GALNTL6: variants seen among roughly 807,000 people sequenced by gnomAD.
GALNTL6 encodes the protein polypeptide N-acetylgalactosaminyltransferase-like 6.
Under a neutral mutation model 73.7 loss-of-function variants are expected in GALNTL6, and 46 were observed. The ratio of observed to expected loss-of-function variants is 0.62; its 90% CI spans 0.49 to 0.80. The LOEUF (loss-of-function observed/expected upper bound fraction) is 0.80. GALNTL6 is among the 30% of genes least tolerant of loss of function. GALNTL6 has a pLI of 0.00. For synonymous variants in GALNTL6, 259 were observed against 263.7 expected, an observed-to-expected ratio of 0.98 and a Z score of 0.17; for missense variants, 604 against 755.0, an observed-to-expected ratio of 0.80 and a Z score of 2.34.
At chr4:172,429,456 C>T (rs1246930851) in intron 5 of GALNTL6, among the ~76,000 whole-genome samples, 1 of 152,042 alleles carries the variant, frequency 6.6e-6, no homozygotes, top group Non-Finnish European at 1.5e-5. Context: ...ATGATCTGCC[C>T]ACCTCGGCCT....
intron 5 of GALNTL6, among the ~76,000 whole-genome samples, chr4:172,774,022 G>A (rs770202198): frequency 6.6e-6 from 1 of 152,138 alleles, no homozygotes; most frequent in Non-Finnish European, 1.5e-5. Flanking sequence ...TCCTTTGTAT[G>A]TAAAAATATT....
At chr4:172,883,225 ATTC>A (rs536954740) in intron 8 of GALNTL6, among the ~76,000 whole-genome samples, 9 of 152,156 alleles carry the variant, frequency 5.9e-5, no homozygotes, top group Non-Finnish European at 1.2e-4. Flanking sequence ...AAACATTGCA[ATTC>A]TTCTCCTCTA....
At chr4:172,362,023 G>C (rs183545111) in intron 5 of GALNTL6, among the ~76,000 whole-genome samples, 25 of 152,216 alleles carry the variant, frequency 1.6e-4, no homozygotes, top group African/African-American at 5.8e-4. Flanking sequence ...AACTAGATGA[G>C]AGTTAGTAAT....
At chr4:172,774,777 C>T (rs1269303809) in intron 5 of GALNTL6, among the ~76,000 whole-genome samples, 6 of 152,006 alleles carry the variant, frequency 3.9e-5, no homozygotes, top group South Asian at 2.1e-4. Flanking sequence ...CTGGGCAACA[C>T]GGTGAAACCC....
rs70941399 is a variant in GALNTL6, at chr4:172,308,003, C to CTTTTTTTTTTTTTTTTTTTT, written c.248-3600_248-3581dup. 2.6e-4 allele frequency among the ~76,000 whole-genome samples: 9 copies of CTTTTTTTTTTTTTTTTTTTT among 34,586 alleles called. 1 individual carries two copies. Among genetic ancestry groups the CTTTTTTTTTTTTTTTTTTTT allele is most frequent in the Admixed American group, 6.2e-4 (1 of 1,618 alleles). 22.7% of individuals were successfully genotyped at this position (34,586 alleles called of 152,430 possible). ...TCCATGAGCATGGGATGTGTTTTAA[C>CTTTTTTTTTTTTTTTTTTTT]TTTTTTTTTTTTTTTTTTTTTTTTT... On this transcript the variant is annotated intron_variant, in intron 3 of 12. Transcript: ENST00000506823.
At chr4:173,013,565 A>T (rs888323944) in intron 11 of GALNTL6, among the ~76,000 whole-genome samples, 1 of 149,402 alleles carries the variant, frequency 6.7e-6, no homozygotes, top group Non-Finnish European at 1.5e-5. Context: ...ACGTCCCCCA[A>T]CTCCCCACCT....
chr4:172,751,683 A>T (rs1737431802), intron 5 of GALNTL6, among the ~76,000 whole-genome samples: 2 of 152,218 alleles, frequency 1.3e-5, no homozygotes, highest in South Asian at 4.1e-4. Flanking sequence ...TGCCCAATTG[A>T]CAGCCTCTGG....
intron 5 of GALNTL6, among the ~76,000 whole-genome samples, chr4:172,393,531 A>G (rs1342807670): frequency 6.6e-6 from 1 of 152,236 alleles, no homozygotes; most frequent in Non-Finnish European, 1.5e-5. Flanking sequence ...ATGACACATT[A>G]AATGATGAAG....
intron 5 of GALNTL6, among the ~76,000 whole-genome samples, chr4:172,476,725 C>T (rs1188195747): frequency 6.6e-6 from 1 of 152,012 alleles, no homozygotes; most frequent in East Asian, 1.9e-4. Flanking sequence ...TTCACCCAAG[C>T]AGAGAATGTG....
chr4:172,063,103 T>C (rs143639368), intron 2 of GALNTL6, among the ~76,000 whole-genome samples: 2,466 of 152,328 alleles, frequency 0.016, 27 homozygotes, highest in Non-Finnish European at 0.023. Flanking sequence ...CATTTCCCTC[T>C]GCTGTGAAGT....
At chr4:173,024,201 C>A (rs1311541221) in intron 12 of GALNTL6, among the ~76,000 whole-genome samples, 2 of 152,172 alleles carry the variant, frequency 1.3e-5, no homozygotes, top group Non-Finnish European at 2.9e-5. Context: ...TAATATTAAA[C>A]CTTTCCAGGA....
chr4:172,497,584 C>A (rs1199891129), intron 5 of GALNTL6, among the ~76,000 whole-genome samples: 1 of 152,144 alleles, frequency 6.6e-6, no homozygotes, highest in Non-Finnish European at 1.5e-5. Flanking sequence ...TTATTAGGTC[C>A]CTGTTCAGCA....
rs990778316 is a variant in GALNTL6 at position 172,087,043 on chromosome 4, C to A, written c.139-142613C>A. On this transcript the variant is annotated intron_variant, in intron 2 of 12. Transcript: ENST00000506823. ...TCCTACCGTGTATTGTGGGAAATGACGAAAGTATTCAAGGTTATTCATTGA... is the reference window on the plus strand; with the variant it reads ...TCCTACCGTGTATTGTGGGAAATGAAGAAAGTATTCAAGGTTATTCATTGA... 2.6e-5 allele frequency among the ~76,000 whole-genome samples: 4 copies of A among 152,108 alleles called. No individual in the cohort carries two copies. In the East Asian group the frequency reaches 7.7e-4, roughly 29 times the overall value.
At position 172,012,574 on chromosome 4, in the gene GALNTL6, G is replaced by T. The variant is rs139366774; in HGVS notation, c.138+197856G>T. Among the ~76,000 whole-genome samples the T allele has an allele frequency of 6.0e-3, 911 of 151,992 alleles. 6 individuals are homozygous for T. The highest frequency in any genetic ancestry group is 0.011 in the Admixed American group (173 of 15,210). On this transcript the variant is annotated intron_variant, in intron 2 of 12. Transcript: ENST00000506823. ...CAGTGAAATTTGCCAGTACATTTGG[G>T]AATGAACTGTAAACCCTCTCCTGAG...
chr4:172,610,784 G>A (rs1738497316), intron 5 of GALNTL6, among the ~76,000 whole-genome samples: 1 of 152,070 alleles, frequency 6.6e-6, no homozygotes, highest in Admixed American at 6.6e-5. Flanking sequence ...TGTCAATGAG[G>A]TGGTGAAGTC....
At chr4:171,892,643 C>G (rs1578946812) in intron 2 of GALNTL6, among the ~76,000 whole-genome samples, 1 of 152,050 alleles carries the variant, frequency 6.6e-6, no homozygotes. Context: ...CTCACTGCAG[C>G]CTTGAACTCC....
At chr4:172,887,099 C>T (rs1745762780) in intron 8 of GALNTL6, among the ~76,000 whole-genome samples, 1 of 152,184 alleles carries the variant, frequency 6.6e-6, no homozygotes, top group South Asian at 2.1e-4. Context: ...TTTTCTGTTA[C>T]TGCATTAACA....
At position 173,015,829 on chromosome 4, in the gene GALNTL6, A is replaced by G. The variant is rs367631109; in HGVS notation, c.1489-5647A>G. 1.5e-4 allele frequency among the ~76,000 whole-genome samples: 23 copies of G among 152,332 alleles called. No individual in the cohort carries two copies. The East Asian group carries it at 1.9e-3, about 13-fold the overall frequency. On this transcript the variant is annotated intron_variant, in intron 11 of 12. Transcript: ENST00000506823. ...AATGTTAATCACCAAGACAATAGGG[A>G]ATATGTCTCCAGAGCAAATCACAGA...
intron 5 of GALNTL6, among the ~76,000 whole-genome samples, chr4:172,541,863 G>T (rs1364519342): frequency 6.6e-6 from 1 of 151,958 alleles, no homozygotes; most frequent in Non-Finnish European, 1.5e-5. Context: ...ACATGCTTGA[G>T]CCCACTCGCC....
Sources: gnomAD v4.1 joint callset for allele counts (sites outside exome capture counted in the v4.1 genomes callset) on GRCh38, gnomAD v4.1.1 for gene constraint, MANE v1.5 for transcripts, NCBI Gene and HGNC (gene_info 2026-07-23, HGNC 2026-07-21) for gene names.